The following KBTBD12 variants were observed in gnomAD, a reference collection of about 807,000 sequenced individuals.
KBTBD12 encodes kelch repeat and BTB domain-containing protein 12.
KBTBD12 carries 53 observed loss-of-function variants against 58.7 expected under a neutral mutation model. The ratio of observed to expected loss-of-function variants is 0.90; its 90% CI spans 0.72 to 1.14. KBTBD12 has a LOEUF of 1.14. Ranked by LOEUF, KBTBD12 falls within the 50% of genes most tolerant of loss-of-function variation. KBTBD12 has a pLI of 0.00. For missense variants in KBTBD12, 704 were observed against 751.3 expected (o/e 0.94, Z 0.74); for synonymous variants, 236 against 259.8 (o/e 0.91, Z 0.88).
chr3:127,965,108 A>G (rs1940537497), intron 5 of KBTBD12, among the ~76,000 whole-genome samples: 1 of 152,246 alleles, frequency 6.6e-6, no homozygotes, highest in Non-Finnish European at 1.5e-5. Context: ...GAAAAGAAGG[A>G]CAGAGAATCT....
In KBTBD12 at chr3:127,919,323, C is replaced by T. The variant is rs186960214; in HGVS notation, c.-112-3627C>T. Among the ~76,000 whole-genome samples the T allele has an allele frequency of 4.7e-3, 718 of 152,268 alleles. 12 individuals are homozygous for T. The highest frequency in any genetic ancestry group is 0.017 in the African/African-American group (694 of 41,556). On this transcript the variant is annotated intron_variant, in intron 1 of 5. Transcript: ENST00000405109. Reference sequence around the variant, plus strand: ...TTGGCTCACTGCAACCTCTGCCTCCCAGGTTCAAGTGATTCTCCTGCCTCA... The same window carrying T: ...TTGGCTCACTGCAACCTCTGCCTCCTAGGTTCAAGTGATTCTCCTGCCTCA...
chr3:127,971,107 A>T (rs1381867312), intron 5 of KBTBD12, among the ~76,000 whole-genome samples: 1 of 152,114 alleles, frequency 6.6e-6, no homozygotes, highest in Non-Finnish European at 1.5e-5. Flanking sequence ...AGAGGCAGAA[A>T]TGGCCCATTC....
In KBTBD12 at chr3:127,962,878, C is replaced by A. The variant is rs79215299; in HGVS notation, c.1493-311C>A. On this transcript the variant is annotated intron_variant, in intron 4 of 5. Transcript: ENST00000405109. The stretch of plus-strand genomic sequence containing the variant: ...TACCTTTACAGTCAACCCTGAAATT[C>A]TTATTATAAAGGGGATGCTCATGAT... Among the ~76,000 whole-genome samples the A allele has an allele frequency of 6.2e-3, 949 of 152,240 alleles. 10 individuals are homozygous for A. Among genetic ancestry groups the A allele is most frequent in the African/African-American group, 0.022 (894 of 41,530 alleles).
chr3:127,960,766 A>C (rs1940423171), intron 4 of KBTBD12, among the ~76,000 whole-genome samples: 1 of 152,248 alleles, frequency 6.6e-6, no homozygotes, highest in South Asian at 2.1e-4. Flanking sequence ...CTGTAAGCTC[A>C]TGTCACTCCT....
chr3:127,962,652 G>A (rs1940467670), intron 4 of KBTBD12, among the ~76,000 whole-genome samples: 1 of 152,208 alleles, frequency 6.6e-6, no homozygotes, highest in South Asian at 2.1e-4. Context: ...ACTGGAAGAT[G>A]CACTGGGCAT....
Position 127,984,548 on chromosome 3 carries a change from G to T in KBTBD12, c.*270G>T. The T allele has an allele frequency of 3.0e-6, 1 of 327,974 alleles. No homozygotes were observed. The highest frequency in any genetic ancestry group is 6.0e-5 in the East Asian group (1 of 16,670). 20.3% of individuals were successfully genotyped at this position (327,974 alleles called of 1,614,324 possible). A position where few individuals can be genotyped will look rare whatever the true frequency, so the allele number is the denominator to read the frequency against. ...GGCCACAGGAGAGCAGCAGAGGGAG[G>T]GTCTCACTCTGCTGGGGACCCATGA... On this transcript the variant is annotated 3_prime_UTR_variant, in exon 6 of 6. Transcript: ENST00000405109.
rs1337739663 is a variant in KBTBD12, at chr3:127,923,617, C to T, written c.556C>T (p.Leu186Phe). The T allele has an allele frequency of 6.2e-7, 1 of 1,613,510 alleles. No homozygotes were observed. The highest frequency in any genetic ancestry group is 8.5e-7 in the Non-Finnish European group (1 of 1,179,766). ...QFLTLIKSDD[L>F]NISREESILD... ...TTTGACACTTATTAAATCAGATGAT[C>T]TTAACATATCCAGAGAAGAGAGCAT... The change falls in exon 2 of 6, where the codon CTT (leucine) becomes TTT (phenylalanine). Residue 186 changes from leucine to phenylalanine, a missense_variant. Coordinates refer to ENST00000405109, the MANE Select transcript of KBTBD12 (RefSeq NM_207335.4).
chr3:127,965,763 A>G (rs555029123), intron 5 of KBTBD12, among the ~76,000 whole-genome samples: 95 of 152,348 alleles, frequency 6.2e-4, no homozygotes, highest in Admixed American at 6.1e-3. Flanking sequence ...TTCAAGCCCC[A>G]CTAAAATGAC....
chr3:127,920,191 TG>T (rs1258837930), intron 1 of KBTBD12, among the ~76,000 whole-genome samples: 3 of 152,312 alleles, frequency 2.0e-5, no homozygotes, highest in Middle Eastern at 6.8e-3. Context: ...AACTCCTATA[TG>T]CCCTATGCCA....
chr3:127,979,911 T>C (rs1057198004), intron 5 of KBTBD12, among the ~76,000 whole-genome samples: 2 of 152,222 alleles, frequency 1.3e-5, no homozygotes, highest in African/African-American at 4.8e-5. Context: ...CTGTCTATGA[T>C]GCAAATAAAT....
chr3:127,920,294 A>C (rs1939367098), intron 1 of KBTBD12, among the ~76,000 whole-genome samples: 1 of 152,052 alleles, frequency 6.6e-6, no homozygotes, highest in African/African-American at 2.4e-5. Flanking sequence ...TATTAGAAAT[A>C]TATCAGTGGT....
intron 4 of KBTBD12, among the ~76,000 whole-genome samples, chr3:127,955,247 T>A (rs901496037): frequency 3.9e-5 from 6 of 152,222 alleles, no homozygotes; most frequent in Non-Finnish European, 7.3e-5. Context: ...TTTTCCCACA[T>A]AGCTAATGTC....
chr3:127,917,302 C>T (rs951651564), intron 1 of KBTBD12, among the ~76,000 whole-genome samples: 15 of 152,142 alleles, frequency 9.9e-5, no homozygotes, highest in African/African-American at 3.6e-4. Flanking sequence ...TTCAGAAGAA[C>T]GCTTAAGTTT....
intron 4 of KBTBD12, among the ~76,000 whole-genome samples, chr3:127,961,180 C>T (rs1243517432): frequency 6.6e-6 from 1 of 152,160 alleles, no homozygotes; most frequent in African/African-American, 2.4e-5. Flanking sequence ...CTTGTTTCAA[C>T]TCCTATGGTT....
chr3:127,950,104 A>C (rs1335856233), intron 4 of KBTBD12, among the ~76,000 whole-genome samples: 2 of 152,218 alleles, frequency 1.3e-5, no homozygotes, highest in Non-Finnish European at 2.9e-5. Flanking sequence ...TTACTTTTTC[A>C]GTTTTTGAAT....
intron 4 of KBTBD12, among the ~76,000 whole-genome samples, chr3:127,946,516 G>A (rs1431315339): frequency 2.0e-5 from 3 of 152,132 alleles, no homozygotes; most frequent in Non-Finnish European, 4.4e-5. Flanking sequence ...TTCCTTTGAA[G>A]GTAATGTGCC....
chr3:127,965,781 C>T (rs543857335), intron 5 of KBTBD12, among the ~76,000 whole-genome samples: 2 of 151,918 alleles, frequency 1.3e-5, no homozygotes, highest in East Asian at 1.9e-4. Context: ...GACAGTAAGT[C>T]GAATAAACAC....
chr3:127,967,771 A>G (rs1245432951), intron 5 of KBTBD12, among the ~76,000 whole-genome samples: 1 of 152,248 alleles, frequency 6.6e-6, no homozygotes, highest in African/African-American at 2.4e-5. Context: ...TGCATATAGT[A>G]GAAGAATAAC....
chr3:127,926,655 GAAA>G (rs949173593), intron 2 of KBTBD12, among the ~76,000 whole-genome samples: 35 of 152,212 alleles, frequency 2.3e-4, no homozygotes, highest in African/African-American at 8.4e-4. Flanking sequence ...TAGACAACTG[GAAA>G]AAACTCCTAC....
Sources: allele counts gnomAD v4.1 joint callset (sites outside exome capture counted in the v4.1 genomes callset), GRCh38; gene constraint gnomAD v4.1.1; transcripts MANE v1.5; gene names NCBI Gene and HGNC (gene_info 2026-07-23, HGNC 2026-07-21).